Variants in TBL1Y observed in about 807,000 individuals in gnomAD.
TBL1Y encodes the protein F-box-like/WD repeat-containing protein TBL1Y.
TBL1Y carries 15 observed loss-of-function variants against 12.0 expected under a neutral mutation model. That is an observed-to-expected ratio of 1.25 (90% CI 0.83 to 1.92). TBL1Y has a LOEUF of 1.92. Ranked by LOEUF, TBL1Y falls within the 40% of genes most tolerant of loss-of-function variation. The pLI is 0.00. For synonymous variants in TBL1Y, 53 were observed against 42.6 expected, an observed-to-expected ratio of 1.24 and a Z score of -0.95; for missense variants, 148 against 116.7, an observed-to-expected ratio of 1.27 and a Z score of -1.24.
intron 2 of TBL1Y, chrY:6,919,353 T>G: frequency 3.0e-5 from 1 of 33,221 alleles, no homozygotes; most frequent in African/African-American, 1.2e-4. Flanking sequence ...CATGGTGCTA[T>G]CCTCCACAGC....
At chrY:7,091,357 C>T in intron 18 of TBL1Y, 115 bp from the exon 19 acceptor site, 1 of 153,746 alleles carries the variant, frequency 6.5e-6, no homozygotes, top group Non-Finnish European at 1.1e-5. Context: ...ACTTTACTCA[C>T]AAAAATTGGT....
chrY:7,090,249 ATCAGGCAGCTGATGCCTAAGTGAAG>A (rs2013169658), intron 18 of TBL1Y, 59 bp downstream of exon 18: 6 of 287,323 alleles, frequency 2.1e-5, no homozygotes, highest in Non-Finnish European at 2.6e-5. Flanking sequence ...GATAAGTGAA[ATCAGGCAGCTGATGCCTAAGTGAAG>A]TCAGGCAGCT....
At chrY:6,924,383 T>C in intron 2 of TBL1Y, among the ~76,000 whole-genome samples, 1 of 31,495 alleles carries the variant, frequency 3.2e-5, no homozygotes, top group African/African-American at 1.3e-4. Context: ...GGTCAGGAGA[T>C]TGAGACCATC....
chrY:7,042,168 T>A (rs941888638), intron 6 of TBL1Y, among the ~76,000 whole-genome samples: 1 of 32,706 alleles, frequency 3.1e-5, no homozygotes, highest in Admixed American at 2.8e-4. Context: ...TGTAATGCAA[T>A]TGCCCCCAGT....
At chrY:7,052,957 T>G (rs762181998) in intron 7 of TBL1Y, among the ~76,000 whole-genome samples, 1 of 33,909 alleles carries the variant, frequency 2.9e-5, no homozygotes, top group African/African-American at 1.1e-4. Context: ...CCTAATTAGA[T>G]GGGGAGGAAA....
rs775511235 is a variant in TBL1Y, at chrY:7,063,990, G to C, written c.298G>C (p.Gly100Arg). The C allele has an allele frequency of 7.5e-6, 3 of 398,567 alleles. No individual in the cohort carries two copies. Among genetic ancestry groups the C allele is most frequent in the South Asian group, 6.0e-5 (2 of 33,453 alleles). ...DVVQMRQQAF[G>R]EKLTQQQASA... ...GGTGCAGATGCGGCAGCAGGCATTT[G>C]GAGAGAAGCTCACTCAGCAGCAAGC... Residue 100 changes from glycine to arginine, a missense_variant, in exon 8 of 19, where the codon GGA becomes CGA. By Grantham distance (125) the Gly-to-Arg change is moderately radical. Transcript: ENST00000383032.
chrY:7,016,586 G>T (rs2012551896), intron 4 of TBL1Y, among the ~76,000 whole-genome samples: 1 of 33,150 alleles, frequency 3.0e-5, no homozygotes, highest in Non-Finnish European at 7.4e-5. Context: ...TCAGTGTGCA[G>T]TGGCAGCCAG....
chrY:6,924,363 C>A (rs1603025451), intron 2 of TBL1Y, among the ~76,000 whole-genome samples: 1 of 31,739 alleles, frequency 3.2e-5, no homozygotes, highest in South Asian at 7.2e-4. Context: ...CTGAGGCGGG[C>A]GGATCACGAG....
intron 8 of TBL1Y, among the ~76,000 whole-genome samples, chrY:7,064,645 G>C (rs1035582898): frequency 3.0e-5 from 1 of 33,673 alleles, no homozygotes; most frequent in Non-Finnish European, 7.3e-5. Context: ...GTAAGTCAGT[G>C]AGTCTGAATT....
At chrY:7,027,960 G>T (rs900903766) in intron 6 of TBL1Y, among the ~76,000 whole-genome samples, 2 of 32,894 alleles carry the variant, frequency 6.1e-5, no homozygotes, top group Admixed American at 5.5e-4. Context: ...TAATCTTACT[G>T]CAACTGGCAT....
intron 4 of TBL1Y, among the ~76,000 whole-genome samples, chrY:7,006,590 A>G (rs2012487409): frequency 3.0e-5 from 1 of 33,818 alleles, no homozygotes; most frequent in Admixed American, 2.7e-4. Context: ...AATGGCAACA[A>G]AAGCCAAAAT....
chrY:6,923,711 G>T, intron 2 of TBL1Y, among the ~76,000 whole-genome samples: 1 of 32,327 alleles, frequency 3.1e-5, no homozygotes, highest in African/African-American at 1.2e-4. Context: ...TGGAGACGGG[G>T]TTTCACCGTG....
At chrY:7,050,893 A>T (rs974213263) in intron 7 of TBL1Y, among the ~76,000 whole-genome samples, 25 of 31,492 alleles carry the variant, frequency 7.9e-4, no homozygotes, top group Admixed American at 4.6e-3. Context: ...CACTCAAGCA[A>T]AGCCTGTGGA....
chrY:7,007,764 T>C, intron 4 of TBL1Y, among the ~76,000 whole-genome samples: 1 of 33,574 alleles, frequency 3.0e-5, no homozygotes, highest in Non-Finnish European at 7.4e-5. Flanking sequence ...TGTTTGTGTT[T>C]AAGGTCTGAG....
At chrY:7,034,879 G>A (rs2124158200) in intron 6 of TBL1Y, among the ~76,000 whole-genome samples, 3 of 33,441 alleles carry the variant, frequency 9.0e-5, no homozygotes, top group Non-Finnish European at 2.2e-4. Flanking sequence ...GAAAACTTGG[G>A]CAATACCATT....
intron 2 of TBL1Y, among the ~76,000 whole-genome samples, chrY:6,943,581 C>T: frequency 3.1e-5 from 1 of 32,430 alleles, no homozygotes; most frequent in African/African-American, 1.2e-4. Context: ...ATTTTCCTTC[C>T]GAATTTGATT....
At chrY:6,967,322 G>T in intron 2 of TBL1Y, among the ~76,000 whole-genome samples, 1 of 33,257 alleles carries the variant, frequency 3.0e-5, no homozygotes, top group Admixed American at 2.7e-4. Context: ...AAGGACAAAA[G>T]ACACATTTAC....
chrY:6,984,142 A>G, intron 3 of TBL1Y, among the ~76,000 whole-genome samples: 1 of 32,918 alleles, frequency 3.0e-5, no homozygotes, highest in Non-Finnish European at 7.5e-5. Flanking sequence ...AGGCTGGTGC[A>G]TTAGCATGTC....
chrY:7,088,407 A>G (rs908093224), intron 17 of TBL1Y, among the ~76,000 whole-genome samples: 18 of 32,094 alleles, frequency 5.6e-4, no homozygotes, highest in Admixed American at 2.3e-3. Context: ...GTGATGAGCA[A>G]TGTTCACTGG....
Sources: gnomAD v4.1 joint callset for allele counts (sites outside exome capture counted in the v4.1 genomes callset) on GRCh38, gnomAD v4.1.1 for gene constraint, MANE v1.5 for transcripts, NCBI Gene and HGNC (gene_info 2026-07-23, HGNC 2026-07-21) for gene names.